The following NEK11 variants were observed in gnomAD, a reference collection of about 807,000 sequenced individuals.
The protein encoded by NEK11 is NIMA related kinase 11, also known as serine/threonine-protein kinase Nek11.
NEK11 carries 72 observed loss-of-function variants against 80.7 expected under a neutral mutation model. The ratio of observed to expected loss-of-function variants is 0.89; its 90% CI spans 0.74 to 1.08. NEK11 has a LOEUF of 1.08. NEK11 is among the 50% of genes least tolerant of loss of function. The probability of loss-of-function intolerance (pLI) is 0.00; values close to 1 mark genes in which losing one functional copy is unlikely to be tolerated. For missense variants in NEK11, 764 were observed against 763.6 expected (o/e 1.00, Z -0.01); for synonymous variants, 251 against 260.7 (o/e 0.96, Z 0.36).
intron 11 of NEK11, among the ~76,000 whole-genome samples, chr3:131,164,261 T>C (rs1401109816): frequency 6.6e-6 from 1 of 152,238 alleles, no homozygotes; most frequent in African/African-American, 2.4e-5. Flanking sequence ...TTCTGTGATA[T>C]AAATACTTCC....
intron 17 of NEK11, among the ~76,000 whole-genome samples, chr3:131,331,983 C>T (rs1434853775): frequency 3.9e-5 from 6 of 152,228 alleles, no homozygotes; most frequent in Non-Finnish European, 7.3e-5. Context: ...GGGTGGAGCC[C>T]ACCACAGCTC....
chr3:131,057,917 C>T (rs2069924899), intron 3 of NEK11, among the ~76,000 whole-genome samples: 1 of 152,154 alleles, frequency 6.6e-6, no homozygotes, highest in South Asian at 2.1e-4. Flanking sequence ...TCAATTTTGG[C>T]TTTTGTTGCC....
At position 131,209,209 on chromosome 3, in the gene NEK11, TC is replaced by T. The variant is rs557656764; in HGVS notation, c.1400-19317del. On this transcript the variant is annotated intron_variant, in intron 14 of 17. Coordinates refer to ENST00000383366, the MANE Select transcript of NEK11 (RefSeq NM_024800.5). ...AACTTTCTTGAAGGCTTTTTCTGCA[TC>T]CGTTGATGCAGAAAAGAGATAATCA... Among the ~76,000 whole-genome samples the T allele has an allele frequency of 8.5e-5, 13 of 152,330 alleles. No individual in the cohort carries two copies. The South Asian group carries it at 2.7e-3, about 32-fold the overall frequency.
intron 15 of NEK11, among the ~76,000 whole-genome samples, chr3:131,236,703 C>T (rs919385430): frequency 6.6e-6 from 1 of 152,146 alleles, no homozygotes; most frequent in Non-Finnish European, 1.5e-5. Flanking sequence ...TTCCTATCAC[C>T]GCACACACTT....
rs2096847744 is a variant in NEK11, at chr3:131,317,052, TGG to T, written c.1719-32503_1719-32502del. On this transcript the variant is annotated intron_variant, in intron 17 of 17. Coordinates refer to ENST00000383366, the MANE Select transcript of NEK11 (RefSeq NM_024800.5). ...GCTTGGACTCAAACTATTTTAATGCTGGGCCTTTAGGCAATAATTTCCTTTTT... is the reference window on the plus strand; with the variant it reads ...GCTTGGACTCAAACTATTTTAATGCTGCCTTTAGGCAATAATTTCCTTTTT... Among the ~76,000 whole-genome samples, 4 of 152,358 alleles carry T rather than the reference TGG, an allele frequency of 2.6e-5. No individual in the cohort carries two copies. In the South Asian group the frequency reaches 8.3e-4, roughly 32 times the overall value.
intron 16 of NEK11, among the ~76,000 whole-genome samples, chr3:131,268,768 G>A: frequency 6.6e-6 from 1 of 152,248 alleles, no homozygotes; most frequent in Non-Finnish European, 1.5e-5. Flanking sequence ...TAAGGAGGCA[G>A]TCTGTCCCTT....
Position 131,294,038 on chromosome 3 carries a change from T to G in NEK11, c.1718+20464T>G, listed in dbSNP as rs1033964842. ...TCAAAGAACCAGCTTTTGGTCTTCTTGATTTTCTGTATTGATTTCCCATTT... is the reference window on the plus strand; with the variant it reads ...TCAAAGAACCAGCTTTTGGTCTTCTGGATTTTCTGTATTGATTTCCCATTT... On this transcript the variant is annotated intron_variant, in intron 17 of 17. Coordinates refer to ENST00000383366, the MANE Select transcript of NEK11 (RefSeq NM_024800.5). 7.2e-5 allele frequency among the ~76,000 whole-genome samples: 11 copies of G among 152,218 alleles called. No individual in the cohort carries two copies. The South Asian group carries it at 2.3e-3, about 32-fold the overall frequency.
At chr3:131,092,295 T>C (rs62284169) in intron 4 of NEK11, among the ~76,000 whole-genome samples, 32,144 of 152,102 alleles carry the variant, frequency 0.21, 3,727 homozygotes, top group African/African-American at 0.31. Context: ...GTACAACAGA[T>C]GGCTGTATAT....
At chr3:131,193,654 A>G (rs1036710105) in intron 14 of NEK11, among the ~76,000 whole-genome samples, 4 of 152,182 alleles carry the variant, frequency 2.6e-5, no homozygotes, top group Non-Finnish European at 5.9e-5. Context: ...TGTTATTGTA[A>G]TGATCATAAA....
At chr3:131,341,884 G>C (rs1470480245) in intron 17 of NEK11, among the ~76,000 whole-genome samples, 1 of 152,106 alleles carries the variant, frequency 6.6e-6, no homozygotes, top group Non-Finnish European at 1.5e-5. Flanking sequence ...ATGCCATCAT[G>C]TTATGGGTAT....
intron 15 of NEK11, among the ~76,000 whole-genome samples, chr3:131,240,494 G>A (rs2095503343): frequency 6.6e-6 from 1 of 152,034 alleles, no homozygotes; most frequent in Admixed American, 6.6e-5. Context: ...TCTCTTCCTT[G>A]TCTTTGTATA....
At chr3:131,039,589 C>A (rs1343797574) in intron 3 of NEK11, among the ~76,000 whole-genome samples, 1 of 152,156 alleles carries the variant, frequency 6.6e-6, no homozygotes, top group Non-Finnish European at 1.5e-5. Flanking sequence ...CTTTTTGACG[C>A]ATGAATGTCT....
In NEK11 at chr3:131,255,079, G is replaced by GACAGACA. The variant is rs1553966478; in HGVS notation, c.1621+11583_1621+11584insACAGACA. Among the ~76,000 whole-genome samples, 46 of 119,272 alleles carry GACAGACA rather than the reference G, an allele frequency of 3.9e-4. No homozygotes were observed. The East Asian group carries it at 9.4e-3, about 24-fold the overall frequency. The allele number at this position is 119,272 out of a possible 152,430, so 78.2% of individuals were successfully genotyped here. On this transcript the variant is annotated intron_variant, in intron 16 of 17. Transcript: ENST00000383366. ...CAGACAGACAGACAGACAGAAAGAA[G>GACAGACA]GAAAGAAAGAAAGAAAGAAAGAAAG...
chr3:131,051,719 G>A (rs2068447410), intron 3 of NEK11, among the ~76,000 whole-genome samples: 1 of 152,016 alleles, frequency 6.6e-6, no homozygotes, highest in Non-Finnish European at 1.5e-5. Context: ...GGGTTTCAAT[G>A]TTGTCCAGTC....
intron 17 of NEK11, among the ~76,000 whole-genome samples, chr3:131,295,871 T>C (rs1176611196): frequency 9.2e-5 from 14 of 152,204 alleles, no homozygotes. Flanking sequence ...AGAAAGGGTC[T>C]CATCTGTTGC....
chr3:131,184,440 A>G (rs2093510991), intron 14 of NEK11, among the ~76,000 whole-genome samples: 1 of 152,226 alleles, frequency 6.6e-6, no homozygotes, highest in African/African-American at 2.4e-5. Context: ...AGTATGGACC[A>G]TGTCCGTCTT....
intron 3 of NEK11, among the ~76,000 whole-genome samples, chr3:131,063,537 T>C (rs2071314976): frequency 6.6e-6 from 1 of 152,094 alleles, no homozygotes; most frequent in African/African-American, 2.4e-5. Context: ...AGAAAAAGGA[T>C]ACAGAGATAG....
intron 17 of NEK11, among the ~76,000 whole-genome samples, chr3:131,317,817 G>GGGTA (rs2096858206): frequency 1.2e-5 from 1 of 83,696 alleles, no homozygotes; most frequent in East Asian, 4.8e-4. Context: ...AGAGGAGGAG[G>GGGTA]GGGAGGGGAG....
At chr3:131,345,600 C>T (rs1287209148) in intron 17 of NEK11, among the ~76,000 whole-genome samples, 1 of 152,132 alleles carries the variant, frequency 6.6e-6, no homozygotes, top group Non-Finnish European at 1.5e-5. Flanking sequence ...TAGACTGGTA[C>T]AGCCACTATG....
Sources: allele counts gnomAD v4.1 joint callset (sites outside exome capture counted in the v4.1 genomes callset), GRCh38; gene constraint gnomAD v4.1.1; transcripts MANE v1.5; gene names NCBI Gene and HGNC (gene_info 2026-07-23, HGNC 2026-07-21).